Variants in WDR72 observed in about 807,000 individuals in gnomAD.
The protein encoded by WDR72 is WD repeat-containing protein 72.
Under a neutral mutation model 124.2 loss-of-function variants are expected in WDR72, and 120 were observed. That is an observed-to-expected ratio of 0.97 (90% confidence interval 0.83 to 1.12). The LOEUF (loss-of-function observed/expected upper bound fraction) is 1.12. WDR72 is among the 50% of genes most tolerant of loss of function. The pLI, the probability that WDR72 is intolerant of heterozygous loss-of-function variation, is 0.00. For missense variants in WDR72, 1,387 were observed against 1,278.8 expected, an observed-to-expected ratio of 1.08 and a Z score of -1.29; for synonymous variants, 452 against 441.7, an observed-to-expected ratio of 1.02 and a Z score of -0.29.
At chr15:53,662,933 G>A (rs1296393068) in intron 14 of WDR72, among the ~76,000 whole-genome samples, 2 of 151,712 alleles carry the variant, frequency 1.3e-5, no homozygotes, top group Non-Finnish European at 2.9e-5. Flanking sequence ...GCCAGGTATG[G>A]TGTTGTGCAC....
chr15:53,670,958 C>T (rs1471029401), intron 13 of WDR72, among the ~76,000 whole-genome samples: 1 of 152,164 alleles, frequency 6.6e-6, no homozygotes, highest in Non-Finnish European at 1.5e-5. Context: ...AGACTTGAAC[C>T]TCCTCAATCA....
chr15:53,607,894 G>T (rs1225561996), intron 17 of WDR72, among the ~76,000 whole-genome samples: 1 of 151,962 alleles, frequency 6.6e-6, no homozygotes, highest in Admixed American at 6.6e-5. Flanking sequence ...GAATAAACAG[G>T]CATATGCAAA....
At chr15:53,715,689 G>C (rs149863627) in intron 4 of WDR72, among the ~76,000 whole-genome samples, 2 of 152,138 alleles carry the variant, frequency 1.3e-5, no homozygotes, top group African/African-American at 4.8e-5. Flanking sequence ...AGGCACAGTG[G>C]TTCATGCCTA....
chr15:53,711,099 C>T lies in WDR72; in HGVS notation c.858-146G>A, dbSNP rs906515999. The T allele has an allele frequency of 4.4e-6, 4 of 908,298 alleles. No homozygotes were observed. In the African/African-American group the frequency reaches 6.6e-5, roughly 15 times the overall value. The allele number at this position is 908,298 out of a possible 1,614,324, so 56.3% of individuals were successfully genotyped here. Reference sequence around the variant, plus strand: ...TTGTTGGGTTAATAATTACAAGTGACTTTTTGAAAACCCAGCACCAGCTGT... The same window carrying T: ...TTGTTGGGTTAATAATTACAAGTGATTTTTTGAAAACCCAGCACCAGCTGT... On this transcript the variant is annotated intron_variant, in intron 8 of 19. Transcript: ENST00000360509.
In WDR72 at chr15:53,703,139, C is replaced by T. The variant is rs114998216; in HGVS notation, c.1349-785G>A. Reference sequence around the variant, plus strand: ...ATAATGCTCACACTGGTCTCAAACTCCTGGGCTCAAGGGATCCACTTGCCT... The same window carrying T: ...ATAATGCTCACACTGGTCTCAAACTTCTGGGCTCAAGGGATCCACTTGCCT... On this transcript the variant is annotated intron_variant, in intron 11 of 19. Transcript: ENST00000360509. Among the ~76,000 whole-genome samples, 1,423 of 152,216 alleles carry T rather than the reference C, an allele frequency of 9.3e-3. 34 individuals carry two copies. Among genetic ancestry groups the T allele is most frequent in the African/African-American group, 0.033 (1,369 of 41,534 alleles).
chr15:53,688,012 AC>A (rs1311773796), intron 13 of WDR72, among the ~76,000 whole-genome samples: 38 of 147,062 alleles, frequency 2.6e-4, no homozygotes, highest in Admixed American at 1.9e-3. Flanking sequence ...AAATTCAACA[AC>A]CCTTCATGCT....
intron 14 of WDR72, among the ~76,000 whole-genome samples, chr15:53,637,101 T>C (rs1293341233): frequency 6.6e-6 from 1 of 152,184 alleles, no homozygotes; most frequent in Non-Finnish European, 1.5e-5. Flanking sequence ...TCACTCAATA[T>C]GTGGACCTTT....
chr15:53,683,637 T>G (rs138131803), intron 13 of WDR72, among the ~76,000 whole-genome samples: 21 of 152,206 alleles, frequency 1.4e-4, no homozygotes, highest in African/African-American at 5.1e-4. Context: ...CCATAGAAAA[T>G]AGATTTTAAA....
At chr15:53,747,698 G>A (rs758750572) in intron 1 of WDR72, among the ~76,000 whole-genome samples, 9 of 152,090 alleles carry the variant, frequency 5.9e-5, no homozygotes, top group African/African-American at 7.2e-5. Context: ...TCACCTCCTC[G>A]CTCAATAAGC....
Position 53,705,011 on chromosome 15 carries a change from A to G in WDR72, c.1325T>C (p.Leu442Pro), listed in dbSNP as rs1395002443. 7 of 1,613,940 alleles carry G rather than the reference A, an allele frequency of 4.3e-6. No individual in the cohort carries two copies. The Admixed American group carries it at 6.7e-5, about 15-fold the overall frequency. ...ACCTTTTACTAAAGAACCACCTTCC[A>G]GAAGTCTTGCTTTGGCAGCATTCAA... ...QALNAAKARLLEGGSLVKDSP... is the reference protein window; with the variant it reads ...QALNAAKARLPEGGSLVKDSP... Residue 442 changes from leucine to proline, a missense_variant, in exon 11 of 20, where the codon CTG (leucine) becomes CCG (proline). Transcript: ENST00000360509.
At chr15:53,640,967 G>A (rs974896364) in intron 14 of WDR72, among the ~76,000 whole-genome samples, 12 of 150,762 alleles carry the variant, frequency 8.0e-5, no homozygotes, top group Non-Finnish European at 1.6e-4. Context: ...AAGTTTTTGA[G>A]GTTTTTACAA....
Position 53,663,869 on chromosome 15 carries a change from T to A in WDR72, c.1962+1703A>T, listed in dbSNP as rs76253889. The stretch of plus-strand genomic sequence containing the variant: ...CCCACCTTATGTTCAGCTGTTAATG[T>A]TGAAGTTTCAATGCATCTCTATAAC... On this transcript the variant is annotated intron_variant, in intron 14 of 19. Coordinates refer to ENST00000360509, the MANE Select transcript of WDR72 (RefSeq NM_182758.4). 9.8e-3 allele frequency among the ~76,000 whole-genome samples: 1,431 copies of A among 145,938 alleles called. 35 individuals are homozygous for A. Among genetic ancestry groups the A allele is most frequent in the African/African-American group, 0.039 (1,376 of 35,582 alleles).
intron 15 of WDR72, among the ~76,000 whole-genome samples, chr15:53,614,340 T>C (rs964614286): frequency 2.0e-5 from 3 of 152,110 alleles, no homozygotes; most frequent in African/African-American, 7.2e-5. Context: ...ATGGTCACAT[T>C]TGTTGGAAGG....
chr15:53,740,559 G>A (rs1595884438), intron 1 of WDR72, among the ~76,000 whole-genome samples: 1 of 152,114 alleles, frequency 6.6e-6, no homozygotes, highest in Non-Finnish European at 1.5e-5. Context: ...GCCTCCCAAA[G>A]TGCTGGGATT....
At chr15:53,539,690 A>T (rs981908399) in intron 18 of WDR72, among the ~76,000 whole-genome samples, 2 of 152,026 alleles carry the variant, frequency 1.3e-5, no homozygotes, top group Admixed American at 6.6e-5. Flanking sequence ...CTACATACAG[A>T]AAGTGAGAGA....
At chr15:53,700,860 T>C (rs74018740) in intron 12 of WDR72, among the ~76,000 whole-genome samples, 4,121 of 152,270 alleles carry the variant, frequency 0.027, 99 homozygotes, top group East Asian at 0.07. Context: ...ACCATTCTAT[T>C]TCCTGGAGAA....
intron 1 of WDR72, among the ~76,000 whole-genome samples, chr15:53,741,418 C>A (rs765852337): frequency 6.6e-6 from 1 of 152,156 alleles, no homozygotes; most frequent in Non-Finnish European, 1.5e-5. Flanking sequence ...GTGCAACATA[C>A]CTGAAATTCA....
In WDR72 at chr15:53,666,659, T is replaced by C. The variant is rs918719712; in HGVS notation, c.1766-891A>G. 4.6e-5 allele frequency among the ~76,000 whole-genome samples: 7 copies of C among 152,342 alleles called. No homozygotes were observed. In the South Asian group the frequency reaches 6.2e-4, roughly 14 times the overall value. On this transcript the variant is annotated intron_variant, in intron 13 of 19. Coordinates refer to ENST00000360509, the MANE Select transcript of WDR72 (RefSeq NM_182758.4). The stretch of plus-strand genomic sequence containing the variant: ...ATACCTAAATACAGACTTCATTTCA[T>C]ATTCTTTTCCACCAATGAGAAAGAA...
At chr15:53,640,677 T>C (rs568267016) in intron 14 of WDR72, among the ~76,000 whole-genome samples, 3 of 152,272 alleles carry the variant, frequency 2.0e-5, no homozygotes, top group African/African-American at 7.2e-5. Flanking sequence ...AATGTGGATA[T>C]ATGTAAGTTA....
Sources: allele counts gnomAD v4.1 joint callset (sites outside exome capture counted in the v4.1 genomes callset), GRCh38; gene constraint gnomAD v4.1.1; transcripts MANE v1.5; gene names NCBI Gene and HGNC (gene_info 2026-07-23, HGNC 2026-07-21).